The following SEPTIN9 variants were observed in gnomAD, a reference collection of about 807,000 sequenced individuals.
The protein encoded by SEPTIN9 is septin-9.
A neutral mutation model predicts 56.6 loss-of-function variants in SEPTIN9; 13 were observed. The observed-to-expected ratio is 0.23, with a 90% confidence interval of 0.15 to 0.37. The LOEUF is 0.37. Ranked by LOEUF, SEPTIN9 falls within the 10% of genes least tolerant of loss-of-function variation. The pLI, the probability that SEPTIN9 is intolerant of heterozygous loss-of-function variation, is 1.00. For synonymous variants in SEPTIN9, 332 were observed against 334.1 expected (o/e 0.99, Z 0.07); for missense variants, 650 against 823.1 (o/e 0.79, Z 2.57).
intron 3 of SEPTIN9, among the ~76,000 whole-genome samples, chr17:77,477,715 A>G (rs993379331): frequency 6.6e-6 from 1 of 152,066 alleles, no homozygotes; most frequent in South Asian, 2.1e-4. Flanking sequence ...GAGACTTGCA[A>G]AAAGTCACTT....
At chr17:77,495,394 G>A (rs1024879347) in intron 10 of SEPTIN9, among the ~76,000 whole-genome samples, 1 of 152,226 alleles carries the variant, frequency 6.6e-6, no homozygotes, top group Non-Finnish European at 1.5e-5. Flanking sequence ...ACCCGGACTA[G>A]TAAGGGCTGT....
intron 3 of SEPTIN9, among the ~76,000 whole-genome samples, chr17:77,467,483 C>T (rs752397117): frequency 5.3e-5 from 8 of 151,720 alleles, no homozygotes; most frequent in Non-Finnish European, 1.2e-4. Context: ...ATTAGGGTCC[C>T]TGGCTGCAGA....
rs936382715 is a variant in SEPTIN9 at position 77,405,523 on chromosome 17, G to A, written c.721+2820G>A. 1.3e-5 allele frequency among the ~76,000 whole-genome samples: 2 copies of A among 152,212 alleles called. No individual in the cohort carries two copies. The highest frequency in any genetic ancestry group is 2.4e-5 in the African/African-American group (1 of 41,442). On this transcript the variant is annotated intron_variant, in intron 3 of 11. Coordinates refer to ENST00000427177, the MANE Select transcript of SEPTIN9 (RefSeq NM_001113491.2). This position sits in a 1 kb window ranked among gnomAD's most constrained non-coding sequence, Gnocchi z 5.8. ...AGCATCCCAGACCCGGCCACCCACG[G>A]ACAGGGACCTGTGCAGGTGGGAGTC...
intron 2 of SEPTIN9, among the ~76,000 whole-genome samples, chr17:77,392,804 C>G (rs1232086958): frequency 1.3e-5 from 2 of 152,140 alleles, no homozygotes; most frequent in African/African-American, 4.8e-5. Context: ...TTGTCCCTGT[C>G]CCTAAACAAA....
intron 2 of SEPTIN9, among the ~76,000 whole-genome samples, chr17:77,385,218 G>A (rs1023409138): frequency 6.7e-6 from 1 of 150,052 alleles, no homozygotes; most frequent in Admixed American, 6.7e-5. Context: ...CTGAAGTGGC[G>A]GTGGCACGTT....
At chr17:77,443,843 G>T (rs117791576) in intron 3 of SEPTIN9, among the ~76,000 whole-genome samples, 213 of 152,206 alleles carry the variant, frequency 1.4e-3, no homozygotes, top group Non-Finnish European at 2.5e-3. Flanking sequence ...CATGTTGAAG[G>T]TACCTGCTTG....
In SEPTIN9 at chr17:77,499,634, G is replaced by A. The variant is rs1420669392; in HGVS notation, c.*976G>A. On this transcript the variant is annotated 3_prime_UTR_variant, in exon 12 of 12. Coordinates refer to ENST00000427177, the MANE Select transcript of SEPTIN9 (RefSeq NM_001113491.2). Reference sequence around the variant, plus strand: ...TGCCCGGCGCCTGCCCTGCCCAAGTGACCAGGGAAGTGTGTGTGTGTCCAT... The same window carrying A: ...TGCCCGGCGCCTGCCCTGCCCAAGTAACCAGGGAAGTGTGTGTGTGTCCAT... The A allele has an allele frequency of 2.3e-6, 1 of 435,370 alleles. No homozygotes were observed. The highest frequency in any genetic ancestry group is 4.0e-5 in the East Asian group (1 of 24,794). 27.0% of individuals were successfully genotyped at this position (435,370 alleles called of 1,614,324 possible).
Position 77,439,237 on chromosome 17 carries a change from C to T in SEPTIN9, c.721+36534C>T, listed in dbSNP as rs144245924. On this transcript the variant is annotated intron_variant, in intron 3 of 11. Coordinates refer to ENST00000427177, the MANE Select transcript of SEPTIN9 (RefSeq NM_001113491.2). ...GAGGAGGGTTGGAGGGAGTGGACCC[C>T]GAGCAACAGCAGCATTGGCAGGGGT... 7.1e-3 allele frequency among the ~76,000 whole-genome samples: 1,081 copies of T among 152,206 alleles called. 9 individuals are homozygous for T. Among genetic ancestry groups the T allele is most frequent in the Non-Finnish European group, 0.012 (816 of 67,996 alleles).
rs757744167 is a variant in SEPTIN9 at position 77,492,587 on chromosome 17, G to A, written c.1381-34G>A. On this transcript the variant is annotated intron_variant, in intron 8 of 11. Transcript: ENST00000427177. This position sits in a 1 kb window ranked among gnomAD's most constrained non-coding sequence, Gnocchi z 5.4. ...CAGTGGGTGGGTAGAGCTTGCCACA[G>A]GGATGGGCCCATCTCTCTCCCTCCT... 3 of 1,594,498 alleles carry A rather than the reference G, an allele frequency of 1.9e-6. No homozygotes were observed. The highest frequency in any genetic ancestry group is 2.6e-6 in the Non-Finnish European group (3 of 1,162,276).
At chr17:77,498,404 G>A in intron 11 of SEPTIN9, 119 bp from the exon 12 acceptor site, 1 of 683,662 alleles carries the variant, frequency 1.5e-6, no homozygotes, top group Non-Finnish European at 2.6e-6. Flanking sequence ...AGTCGGGATG[G>A]GGAGTGGGGG....
chr17:77,361,331 T>C (rs1429871680), intron 2 of SEPTIN9, among the ~76,000 whole-genome samples: 1 of 151,804 alleles, frequency 6.6e-6, no homozygotes, highest in Non-Finnish European at 1.5e-5. Context: ...TGAAGGTCTT[T>C]CTCTGTCTGG....
intron 2 of SEPTIN9, among the ~76,000 whole-genome samples, chr17:77,333,536 T>C (rs966301491): frequency 6.6e-6 from 1 of 152,254 alleles, no homozygotes; most frequent in African/African-American, 2.4e-5. Flanking sequence ...CTGTTCATTT[T>C]CTTAGTGGTA....
chr17:77,373,866 C>G (rs570629293), intron 2 of SEPTIN9: 2 of 348,568 alleles, frequency 5.7e-6, no homozygotes, highest in Non-Finnish European at 1.0e-5. Flanking sequence ...GCGACAGCGA[C>G]CTCCTCGAGG....
At chr17:77,303,688 G>GTAATAATAA (rs113943617) in intron 1 of SEPTIN9, among the ~76,000 whole-genome samples, 38 of 150,756 alleles carry the variant, frequency 2.5e-4, no homozygotes, top group African/African-American at 9.3e-4. Context: ...CTCAAAAGTA[G>GTAATAATAA]TAATAATAAT....
intron 2 of SEPTIN9, among the ~76,000 whole-genome samples, chr17:77,315,856 A>G (rs2032684450): frequency 6.6e-6 from 1 of 152,168 alleles, no homozygotes; most frequent in Admixed American, 6.5e-5. Flanking sequence ...AAGGACAGGG[A>G]TGCCGCCCTG....
chr17:77,471,072 G>A (rs976116846), intron 3 of SEPTIN9: 1 of 152,282 alleles, frequency 6.6e-6, no homozygotes, highest in African/African-American at 2.4e-5. Flanking sequence ...AACAATTCCA[G>A]TCTCTCAACT....
At position 77,434,364 on chromosome 17, in the gene SEPTIN9, G is replaced by A. The variant is rs941179403; in HGVS notation, c.721+31661G>A. Among the ~76,000 whole-genome samples, 1 of 152,210 alleles carries A rather than the reference G, an allele frequency of 6.6e-6. No homozygotes were observed. The highest frequency in any genetic ancestry group is 6.5e-5 in the Admixed American group (1 of 15,284). ...TGGTAGGGTGGCCTGCCCGGCGTCCGCACAGGGTCTGCTGGTGGGTGGCTG... is the reference window on the plus strand; with the variant it reads ...TGGTAGGGTGGCCTGCCCGGCGTCCACACAGGGTCTGCTGGTGGGTGGCTG... On this transcript the variant is annotated intron_variant, in intron 3 of 11. Coordinates refer to ENST00000427177, the MANE Select transcript of SEPTIN9 (RefSeq NM_001113491.2). This position sits in a 1 kb window ranked among gnomAD's most constrained non-coding sequence, Gnocchi z 5.0.
intron 3 of SEPTIN9, among the ~76,000 whole-genome samples, chr17:77,415,692 C>T (rs576314030): frequency 1.3e-5 from 2 of 152,196 alleles, no homozygotes; most frequent in East Asian, 1.9e-4. Context: ...GCACCGAAGC[C>T]GAGGGAAGGC....
intron 3 of SEPTIN9, among the ~76,000 whole-genome samples, chr17:77,441,585 C>T (rs1401088419): frequency 6.6e-6 from 1 of 152,260 alleles, no homozygotes; most frequent in Non-Finnish European, 1.5e-5. Context: ...CCTCCATTTA[C>T]AGACAAGTAA....
Sources: allele counts gnomAD v4.1 joint callset (sites outside exome capture counted in the v4.1 genomes callset), GRCh38; gene constraint gnomAD v4.1.1; non-coding constraint Gnocchi (gnomAD v3.1); transcripts MANE v1.5; gene names NCBI Gene and HGNC (gene_info 2026-07-23, HGNC 2026-07-21).